The following STAG1 variants were observed in gnomAD, a reference collection of about 807,000 sequenced individuals.
The protein encoded by STAG1 is cohesin subunit SA-1.
Under a neutral mutation model 170.9 loss-of-function variants are expected in STAG1, and 26 were observed. That is an observed-to-expected ratio of 0.15 (90% CI 0.11 to 0.21). The LOEUF is 0.21. STAG1 is among the 10% of genes least tolerant of loss of function. The pLI is 1.00. For synonymous variants in STAG1, 514 were observed against 497.7 expected (o/e 1.03, Z -0.44); for missense variants, 964 against 1,509.5 (o/e 0.64, Z 5.99).
intron 9 of STAG1, among the ~76,000 whole-genome samples, chr3:136,495,468 A>G (rs1251253403): frequency 1.3e-5 from 2 of 152,210 alleles, no homozygotes; most frequent in African/African-American, 4.8e-5. Context: ...TTTGCTCTGT[A>G]AAGGTCACCA....
intron 30 of STAG1, among the ~76,000 whole-genome samples, chr3:136,342,346 C>A (rs775793136): frequency 1.4e-4 from 21 of 149,154 alleles, no homozygotes; most frequent in Non-Finnish European, 2.8e-4. Context: ...AAGACAGGTT[C>A]TCACTCTTGT....
intron 1 of STAG1, among the ~76,000 whole-genome samples, chr3:136,728,858 C>T (rs1425490464): frequency 6.6e-6 from 1 of 152,152 alleles, no homozygotes; most frequent in African/African-American, 2.4e-5. Context: ...AAAAGCACTC[C>T]TAAACCCTAA....
intron 5 of STAG1, among the ~76,000 whole-genome samples, chr3:136,563,078 G>A (rs763327429): frequency 3.3e-5 from 5 of 152,164 alleles, no homozygotes; most frequent in Admixed American, 3.3e-4. Context: ...ATAGCAATTA[G>A]CTCCGTAACT....
At chr3:136,654,035 T>C (rs1380770908) in intron 1 of STAG1, among the ~76,000 whole-genome samples, 2 of 152,114 alleles carry the variant, frequency 1.3e-5, no homozygotes, top group Admixed American at 1.3e-4. Context: ...AACATCAAAC[T>C]CAATTCTGAA....
intron 12 of STAG1, among the ~76,000 whole-genome samples, chr3:136,470,127 T>G (rs557909920): frequency 2.6e-5 from 4 of 152,108 alleles, no homozygotes; most frequent in Non-Finnish European, 5.9e-5. Flanking sequence ...AAGCCAAAAC[T>G]GACAAATGGG....
chr3:136,367,217 A>G (rs1406981193), intron 24 of STAG1, 135 bp from the exon 25 acceptor site: 3 of 694,412 alleles, frequency 4.3e-6, no homozygotes, highest in Non-Finnish European at 7.2e-6. Context: ...AGATGGGACA[A>G]AAACTGTTAC....
rs150470975 is a variant in STAG1, at chr3:136,715,585, A to G, written c.-84+36610T>C. Among the ~76,000 whole-genome samples, 984 of 152,144 alleles carry G rather than the reference A, an allele frequency of 6.5e-3. 11 individuals carry two copies. Among genetic ancestry groups the G allele is most frequent in the African/African-American group, 0.023 (935 of 41,512 alleles). On this transcript the variant is annotated intron_variant, in intron 1 of 33. Transcript: ENST00000383202. ...CAGTGAGCCGAGATCACACCACTGC[A>G]CTCCAGCCTGGTGACAGAACAAGAC...
chr3:136,682,285 C>T (rs1253611312), intron 1 of STAG1, among the ~76,000 whole-genome samples: 1 of 151,564 alleles, frequency 6.6e-6, no homozygotes, highest in East Asian at 1.9e-4. Flanking sequence ...ATTAGCCAGG[C>T]GTGGTGGTGG....
chr3:136,743,806 AG>A (rs1417481153), intron 1 of STAG1, among the ~76,000 whole-genome samples: 2 of 152,210 alleles, frequency 1.3e-5, no homozygotes, highest in East Asian at 3.8e-4. Context: ...CAATATGCCT[AG>A]TGAAGAAATA....
chr3:136,669,365 CTTTT>C (rs567948218), intron 1 of STAG1, among the ~76,000 whole-genome samples: 240 of 151,842 alleles, frequency 1.6e-3, no homozygotes, highest in African/African-American at 5.6e-3. Flanking sequence ...TTTCTTCTTT[CTTTT>C]TTGAGACGAT....
chr3:136,734,917 C>T (rs915805887), intron 1 of STAG1, among the ~76,000 whole-genome samples: 1 of 152,126 alleles, frequency 6.6e-6, no homozygotes, highest in African/African-American at 2.4e-5. Context: ...AGGCAAATAC[C>T]TCATGATCTC....
intron 13 of STAG1, among the ~76,000 whole-genome samples, chr3:136,460,654 T>C (rs2089247446): frequency 6.6e-6 from 1 of 151,596 alleles, no homozygotes; most frequent in Admixed American, 6.6e-5. Context: ...GTAATAAAAA[T>C]TAATGATACT....
intron 9 of STAG1, among the ~76,000 whole-genome samples, chr3:136,492,064 T>C (rs1408790640): frequency 6.6e-6 from 1 of 152,164 alleles, no homozygotes; most frequent in East Asian, 1.9e-4. Context: ...GGACACAAAG[T>C]GGTAACTTAA....
intron 4 of STAG1, among the ~76,000 whole-genome samples, chr3:136,604,043 A>T (rs1938815881): frequency 1.3e-5 from 2 of 152,216 alleles, no homozygotes; most frequent in African/African-American, 4.8e-5. Context: ...TCAAAAAAAA[A>T]ATATCAAGAC....
intron 1 of STAG1, among the ~76,000 whole-genome samples, chr3:136,639,772 A>C (rs769411670): frequency 3.9e-5 from 6 of 152,232 alleles, no homozygotes; most frequent in Non-Finnish European, 7.3e-5. Flanking sequence ...TACCACAGCC[A>C]TAAGAAAAAA....
intron 9 of STAG1, among the ~76,000 whole-genome samples, chr3:136,485,412 A>G (rs1231830613): frequency 6.6e-6 from 1 of 152,110 alleles, no homozygotes; most frequent in African/African-American, 2.4e-5. Flanking sequence ...AGCCGAGATC[A>G]CGCCACTGCA....
At chr3:136,635,449 G>C (rs1163018823) in intron 1 of STAG1, among the ~76,000 whole-genome samples, 1 of 152,148 alleles carries the variant, frequency 6.6e-6, no homozygotes, top group Non-Finnish European at 1.5e-5. Flanking sequence ...CAGTAAATGA[G>C]AAATATAGGG....
rs574418953 is a variant in STAG1, at chr3:136,373,269, A to G, written c.2371-3987T>C. Among the ~76,000 whole-genome samples, 1,446 of 152,110 alleles carry G rather than the reference A, an allele frequency of 9.5e-3. 9 individuals carry two copies. The highest frequency in any genetic ancestry group is 0.015 in the Non-Finnish European group (1,000 of 67,994). On this transcript the variant is annotated intron_variant, in intron 23 of 33. Transcript: ENST00000383202. The stretch of plus-strand genomic sequence containing the variant: ...TCTTTATTAGTCTTGCTAGTGGTCT[A>G]TCAATTTTGTTGATTTTTTCAAAAA...
chr3:136,497,859 A>G (rs1361699499), intron 9 of STAG1, among the ~76,000 whole-genome samples: 1 of 149,592 alleles, frequency 6.7e-6, no homozygotes, highest in Non-Finnish European at 1.5e-5. Context: ...ATCTCAAAAA[A>G]AAAAAAAATT....
Sources: allele counts gnomAD v4.1 joint callset (sites outside exome capture counted in the v4.1 genomes callset), GRCh38; gene constraint gnomAD v4.1.1; transcripts MANE v1.5; gene names NCBI Gene and HGNC (gene_info 2026-07-23, HGNC 2026-07-21).